NBR1: variants seen among roughly 807,000 people sequenced by gnomAD.
NBR1 encodes the protein next to BRCA1 gene 1 protein.
A neutral mutation model predicts 115.5 loss-of-function variants in NBR1; 59 were observed. The observed-to-expected ratio is 0.51, with a 90% CI of 0.41 to 0.63. The LOEUF is 0.63. Ranked by LOEUF, NBR1 falls within the 30% of genes least tolerant of loss-of-function variation. The pLI, the probability that NBR1 is intolerant of heterozygous loss-of-function variation, is 0.00. For missense variants in NBR1, 1,043 were observed against 1,150.5 expected, an observed-to-expected ratio of 0.91 and a Z score of 1.35; for synonymous variants, 373 against 414.7, an observed-to-expected ratio of 0.90 and a Z score of 1.22.
At chr17:43,201,192 C>T (rs1201627026) in intron 17 of NBR1, among the ~76,000 whole-genome samples, 5 of 152,310 alleles carry the variant, frequency 3.3e-5, no homozygotes, top group African/African-American at 1.2e-4. Flanking sequence ...TAAACACAAA[C>T]ATCCCTGGAC....
At chr17:43,197,410 T>G (rs2057093677) in intron 16 of NBR1, among the ~76,000 whole-genome samples, 1 of 151,636 alleles carries the variant, frequency 6.6e-6, no homozygotes, top group East Asian at 1.9e-4. Flanking sequence ...TCCCAGCTAC[T>G]CGGGAGGCTG....
At position 43,210,473 on chromosome 17, in the gene NBR1, A is replaced by T; in HGVS notation, c.*399A>T. ...GGTTTTGAAAGACATTAACCTCGGA[A>T]GTTGTTTTTAAGAATTATTCTCATA... On this transcript the variant is annotated 3_prime_UTR_variant, in exon 21 of 21. Transcript: ENST00000590996. The T allele has an allele frequency of 2.5e-6, 1 of 397,400 alleles. No homozygotes were observed. The highest frequency in any genetic ancestry group is 4.4e-5 in the Admixed American group (1 of 22,726). The allele number at this position is 397,400 out of a possible 1,614,324, so 24.6% of individuals were successfully genotyped here. A position where few individuals can be genotyped will look rare whatever the true frequency, so the allele number is the denominator to read the frequency against.
At chr17:43,203,059 G>A (rs568787356) in intron 19 of NBR1, among the ~76,000 whole-genome samples, 1 of 152,202 alleles carries the variant, frequency 6.6e-6, no homozygotes, top group East Asian at 1.9e-4. Flanking sequence ...AGGAGGCTGA[G>A]GTGGGAGAAT....
In NBR1 at chr17:43,211,388, TTTAA is replaced by T. The variant is rs1322821764; in HGVS notation, c.*1318_*1321del. Reference sequence around the variant, plus strand: ...GTTGGTATTTGTAATGAATGGTGATTTTAATTAGTCATTAGCCATAATGATGTTT... The same window carrying T: ...GTTGGTATTTGTAATGAATGGTGATTTTAGTCATTAGCCATAATGATGTTT... On this transcript the variant is annotated 3_prime_UTR_variant, in exon 21 of 21. Coordinates refer to ENST00000590996, the MANE Select transcript of NBR1 (RefSeq NM_005899.5). 2 of 152,664 alleles carry T rather than the reference TTTAA, an allele frequency of 1.3e-5. No homozygotes were observed. The highest frequency in any genetic ancestry group is 6.5e-5 in the Admixed American group (1 of 15,290). The allele number at this position is 152,664 out of a possible 1,614,324, so 9.5% of individuals were successfully genotyped here. A position where few individuals can be genotyped will look rare whatever the true frequency, so the allele number is the denominator to read the frequency against.
Position 43,186,269 on chromosome 17 carries a change from AC to A in NBR1, c.229del (p.Gln77AsnfsTer21). 1 of 1,577,396 alleles carries A rather than the reference AC, an allele frequency of 6.3e-7. No individual in the cohort carries two copies. The highest frequency in any genetic ancestry group is 1.3e-5 in the African/African-American group (1 of 74,116). ...EALKMAVKQG[N>X]QLQMQVHEGH... ...TCTTAGATGGCAGTTAAACAGGGAA[AC>A]CAACTGCAGATGCAAGTCCACGAAG... On this transcript the variant is annotated frameshift_variant, in exon 6 of 21. Transcript: ENST00000590996. LOFTEE classifies it high-confidence loss of function.
At chr17:43,194,570 T>C in intron 13 of NBR1, 71 bp downstream of exon 13, 1 of 1,542,586 alleles carries the variant, frequency 6.5e-7, no homozygotes, top group South Asian at 1.2e-5. Context: ...GGTAGAGCCA[T>C]AGGCAGTAAT....
intron 17 of NBR1, 72 bp downstream of exon 17, chr17:43,200,680 A>C: frequency 7.9e-5 from 109 of 1,385,432 alleles, no homozygotes; most frequent in Middle Eastern, 2.0e-4. Flanking sequence ...ACCTGATCTC[A>C]AAACCTGTTT....
chr17:43,172,340 C>G (rs554064382), intron 1 of NBR1, among the ~76,000 whole-genome samples: 1 of 152,296 alleles, frequency 6.6e-6, no homozygotes, highest in East Asian at 1.9e-4. Flanking sequence ...TCTCCCACTT[C>G]CTGTTTTCTC....
rs3744243 is a variant in NBR1 at position 43,203,562 on chromosome 17, T to C, written c.2622-119T>C. ...GATAATGAAAGCAATTGTGTTCTCT[T>C]TTTCCATCTAATTTTTTCTCTTAAG... On this transcript the variant is annotated intron_variant, in intron 19 of 20. Coordinates refer to ENST00000590996, the MANE Select transcript of NBR1 (RefSeq NM_005899.5). The C allele has an allele frequency of 1.0e-4, 63 of 617,714 alleles. No individual in the cohort carries two copies. In the East Asian group the frequency reaches 1.8e-3, roughly 17 times the overall value. 38.3% of individuals were successfully genotyped at this position (617,714 alleles called of 1,614,324 possible).
chr17:43,175,348 C>G (rs1204883027), intron 1 of NBR1, among the ~76,000 whole-genome samples: 1 of 152,186 alleles, frequency 6.6e-6, no homozygotes, highest in East Asian at 1.9e-4. Context: ...GAGACCTTAT[C>G]TCTCTTATCC....
chr17:43,185,608 GGAA>G (rs1173485764), intron 5 of NBR1, among the ~76,000 whole-genome samples: 1 of 152,174 alleles, frequency 6.6e-6, no homozygotes, highest in Non-Finnish European at 1.5e-5. Flanking sequence ...GGCTGAGGTG[GGAA>G]GATCGCTTGA....
intron 18 of NBR1, 90 bp from the exon 19 acceptor site, chr17:43,202,565 C>A: frequency 2.4e-6 from 2 of 849,294 alleles, no homozygotes; most frequent in Non-Finnish European, 3.7e-6. Flanking sequence ...GATCAGATTG[C>A]CACCTGCCTC....
Position 43,177,987 on chromosome 17 carries a change from G to T in NBR1, c.154G>T (p.Glu52Ter). Residue 52 changes from glutamate to a stop codon, truncating the protein, a stop_gained, in exon 3 of 21, where the codon GAA becomes TAA. Transcript: ENST00000590996. LOFTEE classifies it high-confidence loss of function. ...TATTCAAATAAAATACCTGGATGAG[G>T]AAAATGAAGAGGTAAAATATATTAT... ...NTIQIKYLDEENEEVSINSQG... is the reference protein window; with the variant it reads ...NTIQIKYLDE 6.4e-7 allele frequency: 1 copy of T among 1,569,450 alleles called. No homozygotes were observed. Among genetic ancestry groups the T allele is most frequent in the South Asian group, 1.1e-5 (1 of 89,742 alleles).
chr17:43,189,110 C>T lies in NBR1; in HGVS notation c.471C>T (p.Tyr157=), dbSNP rs761826574. 1 of 1,608,592 alleles carries T rather than the reference C, an allele frequency of 6.2e-7. No homozygotes were observed. Among genetic ancestry groups the T allele is most frequent in the Admixed American group, 1.7e-5 (1 of 59,996 alleles). ...AGCCCCCAGACTGGTTCACAAGCTA[C>T]CTGGAGACGGTGAGTGTTCTGTCTC... The part of the protein sequence containing the change: ...QDKPPDWFTS[Y]LETFREQVVN... The change falls in exon 7 of 21, where the codon TAC becomes TAT. Residue 157 remains tyrosine (Y), a synonymous_variant. Transcript: ENST00000590996.
chr17:43,189,541 T>A, intron 7 of NBR1, 47 bp from the exon 8 acceptor site: 1 of 1,383,774 alleles, frequency 7.2e-7, no homozygotes, highest in Non-Finnish European at 1.0e-6. Context: ...CATTTTTTTC[T>A]GATATTGGAA....
chr17:43,196,563 T>G lies in NBR1; in HGVS notation c.1833T>G (p.Asn611Lys), dbSNP rs1304975568. ...KPGLGQIEEE[N>K]EGAGFKALPD... ...GCTTGGGGCAGATAGAGGAAGAGAATGAAGGGGCAGGATTTAAAGCACTTC... is the reference window on the plus strand; with the variant it reads ...GCTTGGGGCAGATAGAGGAAGAGAAGGAAGGGGCAGGATTTAAAGCACTTC... The change falls in exon 15 of 21, where the codon AAT becomes AAG. Residue 611 changes from asparagine (N) to lysine (K), a missense_variant. Coordinates refer to ENST00000590996, the MANE Select transcript of NBR1 (RefSeq NM_005899.5). 1 of 1,605,748 alleles carries G rather than the reference T, an allele frequency of 6.2e-7. No homozygotes were observed. The highest frequency in any genetic ancestry group is 8.5e-7 in the Non-Finnish European group (1 of 1,176,650).
intron 5 of NBR1, among the ~76,000 whole-genome samples, chr17:43,184,962 G>T (rs145729603): frequency 6.6e-6 from 1 of 151,638 alleles, no homozygotes; most frequent in Non-Finnish European, 1.5e-5. Flanking sequence ...GGTGGCGTGC[G>T]CCTATAGTCC....
intron 10 of NBR1, among the ~76,000 whole-genome samples, chr17:43,192,215 G>C (rs551967827): frequency 6.6e-6 from 1 of 151,320 alleles, no homozygotes; most frequent in Non-Finnish European, 1.5e-5. Flanking sequence ...TAGAGATGGG[G>C]TTTCATCCTG....
Position 43,189,797 on chromosome 17 carries a change from G to A in NBR1, c.690G>A (p.Gln230=), listed in dbSNP as rs1451240886. Residue 230 remains glutamine (Q), a synonymous_variant, in exon 8 of 21, where the codon CAG becomes CAA. Coordinates refer to ENST00000590996, the MANE Select transcript of NBR1 (RefSeq NM_005899.5). ...CQRRIVGVRY[Q]CSLCPSYNIC... is the part of the protein sequence containing the mutation. The stretch of plus-strand genomic sequence containing the variant: ...GAAGGATTGTTGGTGTCCGCTACCA[G>A]TGTAGGTAAGCAGTTGCTTGGGAGT... 2.5e-6 allele frequency: 4 copies of A among 1,613,422 alleles called. No homozygotes were observed. Among genetic ancestry groups the A allele is most frequent in the Non-Finnish European group, 2.5e-6 (3 of 1,179,820 alleles).
Sources: gnomAD v4.1 joint callset for allele counts (sites outside exome capture counted in the v4.1 genomes callset) on GRCh38, gnomAD v4.1.1 for gene constraint, MANE v1.5 for transcripts, NCBI Gene and HGNC (gene_info 2026-07-23, HGNC 2026-07-21) for gene names.